Variants in PIP5K1C observed in about 807,000 individuals in gnomAD.
The protein encoded by PIP5K1C is phosphatidylinositol 4-phosphate 5-kinase type-1 gamma.
In PIP5K1C, 45 loss-of-function variants were observed where a neutral mutation model predicts 80.1. The ratio of observed to expected loss-of-function variants is 0.56; its 90% CI spans 0.44 to 0.72. PIP5K1C has a LOEUF of 0.72. Among genes scored for constraint, PIP5K1C ranks in the 30% least tolerant of loss-of-function variants. The probability of loss-of-function intolerance (pLI) is 0.00; values close to 1 mark genes in which losing one functional copy is unlikely to be tolerated. For synonymous variants in PIP5K1C, 498 were observed against 420.1 expected, an observed-to-expected ratio of 1.19 and a Z score of -2.27; for missense variants, 753 against 954.6, an observed-to-expected ratio of 0.79 and a Z score of 2.78.
intron 1 of PIP5K1C, among the ~76,000 whole-genome samples, chr19:3,682,469 C>A (rs2035618745): frequency 6.6e-6 from 1 of 151,972 alleles, no homozygotes; most frequent in African/African-American, 2.4e-5. Context: ...TGCTTGAGCC[C>A]AGGAATTCCA....
intron 1 of PIP5K1C, among the ~76,000 whole-genome samples, chr19:3,680,601 C>A (rs1241742722): frequency 6.6e-6 from 1 of 152,244 alleles, no homozygotes; most frequent in Non-Finnish European, 1.5e-5. Flanking sequence ...CGCGCCCGGA[C>A]TGTCTAAATA....
In PIP5K1C at chr19:3,641,687, C is replaced by G. The variant is rs369902021; in HGVS notation, c.1787+18G>C. 5 of 1,596,898 alleles carry G rather than the reference C, an allele frequency of 3.1e-6. No homozygotes were observed. The highest frequency in any genetic ancestry group is 3.4e-6 in the Non-Finnish European group (4 of 1,174,376). ...GCAGCAGGTGGGCGCCCCGACCTCCCGCCGAGGCCGTGCTCACCCTGCGTC... is the reference window on the plus strand; with the variant it reads ...GCAGCAGGTGGGCGCCCCGACCTCCGGCCGAGGCCGTGCTCACCCTGCGTC... On this transcript the variant is annotated intron_variant, in intron 15 of 17. Transcript: ENST00000335312.
intron 7 of PIP5K1C, 61 bp downstream of exon 7, chr19:3,653,229 G>T: frequency 6.5e-7 from 1 of 1,528,522 alleles, no homozygotes; most frequent in South Asian, 1.1e-5. Flanking sequence ...TGCCCAGGCC[G>T]AGCCCTCACC....
chr19:3,632,965 C>A lies in PIP5K1C; in HGVS notation c.*202G>T, dbSNP rs931716437. 6 of 531,404 alleles carry A rather than the reference C, an allele frequency of 1.1e-5. No homozygotes were observed. Among genetic ancestry groups the A allele is most frequent in the Non-Finnish European group, 1.0e-5 (3 of 299,850 alleles). 32.9% of individuals were successfully genotyped at this position (531,404 alleles called of 1,614,324 possible). On this transcript the variant is annotated 3_prime_UTR_variant, in exon 18 of 18. Coordinates refer to ENST00000335312, the MANE Select transcript of PIP5K1C (RefSeq NM_012398.3). The stretch of plus-strand genomic sequence containing the variant: ...GGAGGGTGGGTCTCACAGGGGCAGG[C>A]TGCCGACCGGGGTGCCGGGGCCCTG...
chr19:3,674,605 C>T (rs1380004433), intron 1 of PIP5K1C, among the ~76,000 whole-genome samples: 2 of 151,626 alleles, frequency 1.3e-5, no homozygotes, highest in African/African-American at 2.4e-5. Context: ...CGGGTTCAAG[C>T]GATTCTCCTG....
rs1421457755 is a variant in PIP5K1C at position 3,688,214 on chromosome 19, C to T, written c.94+12083G>A. Among the ~76,000 whole-genome samples the T allele has an allele frequency of 6.6e-6, 1 of 152,220 alleles. No homozygotes were observed. Among genetic ancestry groups the T allele is most frequent in the Non-Finnish European group, 1.5e-5 (1 of 68,032 alleles). On this transcript the variant is annotated intron_variant, in intron 1 of 17. Transcript: ENST00000335312. The surrounding 1 kb of genome is among the most constrained non-coding windows in gnomAD (Gnocchi z 5.3). ...CAGCACAGCAGAGGTGGACGCCCCT[C>T]GCGGCTGGCTCCCCAGCGTCCCTGT... is the stretch of plus-strand genomic sequence containing the variant.
intron 1 of PIP5K1C, among the ~76,000 whole-genome samples, chr19:3,683,018 A>G (rs1241481678): frequency 7.2e-6 from 1 of 139,528 alleles, no homozygotes; most frequent in African/African-American, 2.7e-5. Context: ...GTCCTGCCCT[A>G]GGGCCTCCGC....
Position 3,637,088 on chromosome 19 carries a change from A to G in PIP5K1C, c.1920+1796T>C. On this transcript the variant is annotated intron_variant, in intron 16 of 17. Coordinates refer to ENST00000335312, the MANE Select transcript of PIP5K1C (RefSeq NM_012398.3). This position sits in a 1 kb window ranked among gnomAD's most constrained non-coding sequence, Gnocchi z 7.0. ...CCGTCTCCATGGCCCTGCGGTTCAGAGCCCGGCCCTGCAGCCACTCTGCTG... is the reference window on the plus strand; with the variant it reads ...CCGTCTCCATGGCCCTGCGGTTCAGGGCCCGGCCCTGCAGCCACTCTGCTG... The G allele has an allele frequency of 7.9e-7, 1 of 1,266,918 alleles. No individual in the cohort carries two copies. The highest frequency in any genetic ancestry group is 1.0e-6 in the Non-Finnish European group (1 of 1,000,672). The allele number at this position is 1,266,918 out of a possible 1,614,324, so 78.5% of individuals were successfully genotyped here. A position where few individuals can be genotyped will look rare whatever the true frequency, so the allele number is the denominator to read the frequency against.
At position 3,684,911 on chromosome 19, in the gene PIP5K1C, G is replaced by A. The variant is rs139925745; in HGVS notation, c.94+15386C>T. 9.8e-5 allele frequency among the ~76,000 whole-genome samples: 15 copies of A among 152,348 alleles called. No homozygotes were observed. The East Asian group carries it at 2.1e-3, about 22-fold the overall frequency. ...TCACTCAGCAGTCAGGGCCAGACAC[G>A]TGAATCTTAGAAGGTTCCAAGTTAT... On this transcript the variant is annotated intron_variant, in intron 1 of 17. Coordinates refer to ENST00000335312, the MANE Select transcript of PIP5K1C (RefSeq NM_012398.3).
intron 1 of PIP5K1C, among the ~76,000 whole-genome samples, chr19:3,679,898 C>T (rs2035533777): frequency 6.6e-6 from 1 of 152,234 alleles, no homozygotes; most frequent in Admixed American, 6.5e-5. Context: ...CGGCATGTTG[C>T]AGACGCTCAA....
intron 9 of PIP5K1C, 114 bp from the exon 10 acceptor site, chr19:3,647,500 C>T (rs933585699): frequency 5.5e-6 from 5 of 916,664 alleles, no homozygotes; most frequent in South Asian, 1.4e-5. Context: ...CTCAAGCAGT[C>T]GTGGCTGTCA....
intron 1 of PIP5K1C, among the ~76,000 whole-genome samples, chr19:3,678,259 G>A (rs530958917): frequency 8.3e-6 from 1 of 121,154 alleles, no homozygotes; most frequent in South Asian, 3.2e-4. Flanking sequence ...GAATGGAGGG[G>A]TGGAGGAATG....
intron 5 of PIP5K1C, among the ~76,000 whole-genome samples, chr19:3,659,413 G>A (rs952033056): frequency 4.6e-5 from 7 of 152,204 alleles, no homozygotes; most frequent in East Asian, 1.9e-4. Context: ...CGATCTTATC[G>A]GGTTCTAGGT....
At chr19:3,695,339 A>G (rs779020056) in intron 1 of PIP5K1C, among the ~76,000 whole-genome samples, 3 of 151,466 alleles carry the variant, frequency 2.0e-5, no homozygotes, top group Non-Finnish European at 2.9e-5. Flanking sequence ...CACGAAGGGG[A>G]CTCCCTCTCC....
chr19:3,685,562 C>G (rs1265981282), intron 1 of PIP5K1C, among the ~76,000 whole-genome samples: 1 of 151,956 alleles, frequency 6.6e-6, no homozygotes, highest in African/African-American at 2.4e-5. Flanking sequence ...AACCCCGTCT[C>G]TACTAAAAAT....
chr19:3,693,647 C>G lies in PIP5K1C; in HGVS notation c.94+6650G>C, dbSNP rs565110312. Among the ~76,000 whole-genome samples, 17 of 152,356 alleles carry G rather than the reference C, an allele frequency of 1.1e-4. No individual in the cohort carries two copies. In the Middle Eastern group the frequency reaches 0.01, roughly 91 times the overall value. On this transcript the variant is annotated intron_variant, in intron 1 of 17. Transcript: ENST00000335312. ...CCCACCCTGTGTGGACTCTCCAGCC[C>G]TCCTGGAGCCTCGGTTTCCCCATCT...
chr19:3,666,898 C>G (rs1036926617), intron 2 of PIP5K1C, among the ~76,000 whole-genome samples: 11 of 152,400 alleles, frequency 7.2e-5, no homozygotes, highest in African/African-American at 2.6e-4. Context: ...GTGGGTGCAG[C>G]TGGTAGCCTC....
intron 1 of PIP5K1C, among the ~76,000 whole-genome samples, chr19:3,681,455 C>T (rs2035586481): frequency 6.6e-6 from 1 of 152,214 alleles, no homozygotes. Context: ...TGATCTCGAA[C>T]TCCTGACCTC....
rs1326102419 is a variant in PIP5K1C, at chr19:3,633,008, G to A, written c.*159C>T. 9.2e-6 allele frequency: 5 copies of A among 544,754 alleles called. No individual in the cohort carries two copies. Among genetic ancestry groups the A allele is most frequent in the South Asian group, 4.8e-5 (2 of 42,092 alleles). The allele number at this position is 544,754 out of a possible 1,614,324, so 33.7% of individuals were successfully genotyped here. On this transcript the variant is annotated 3_prime_UTR_variant, in exon 18 of 18. Coordinates refer to ENST00000335312, the MANE Select transcript of PIP5K1C (RefSeq NM_012398.3). ...GGGCCCTGGGAGGCTTGTCGGGGAG[G>A]GGCCCGGCCGTCGGCATCCGTGCAG...
Sources: gnomAD v4.1 joint callset for allele counts (sites outside exome capture counted in the v4.1 genomes callset) on GRCh38, gnomAD v4.1.1 for gene constraint, Gnocchi (gnomAD v3.1) non-coding constraint, MANE v1.5 for transcripts, NCBI Gene and HGNC (gene_info 2026-07-23, HGNC 2026-07-21) for gene names.